Variants in WDR27 observed in about 807,000 individuals in gnomAD.
WDR27 encodes the protein WD repeat-containing protein 27.
In WDR27, 100 loss-of-function variants were observed where a neutral mutation model predicts 114.4. That is an observed-to-expected ratio of 0.87 (90% CI 0.74 to 1.03). The LOEUF (loss-of-function observed/expected upper bound fraction) is 1.03, where lower values mean the gene tolerates loss of function less well. Among genes scored for constraint, WDR27 ranks in the 50% least tolerant of loss-of-function variants. The pLI, the probability that WDR27 is intolerant of heterozygous loss-of-function variation, is 0.00. For missense variants in WDR27, 1,129 were observed against 1,092.9 expected (o/e 1.03, Z -0.47); for synonymous variants, 449 against 423.1 (o/e 1.06, Z -0.75).
At chr6:169,450,149 G>A in the WDR27 span, among the ~76,000 whole-genome samples, 3 of 152,052 alleles carry the variant, frequency 2.0e-5, no homozygotes, top group Non-Finnish European at 4.4e-5. Flanking sequence ...TCATCATTAC[G>A]AAGACTGGGG....
chr6:169,601,328 A>T (rs1343559019), intron 23 of WDR27, among the ~76,000 whole-genome samples: 1 of 152,376 alleles, frequency 6.6e-6, no homozygotes. Flanking sequence ...CATCTGAATC[A>T]GCAGAATCAT....
chr6:169,694,018 G>T (rs550441049), intron 1 of WDR27, among the ~76,000 whole-genome samples: 7 of 152,306 alleles, frequency 4.6e-5, no homozygotes, highest in East Asian at 1.9e-4. Flanking sequence ...CTTGTTAAAT[G>T]TAACAGTCAT....
intron 13 of WDR27, chr6:169,658,015 C>T (rs373577518): frequency 5.9e-6 from 2 of 339,670 alleles, no homozygotes; most frequent in East Asian, 4.8e-5. Flanking sequence ...CAACAGGCAC[C>T]AGAGGAACAG....
intron 25 of WDR27, among the ~76,000 whole-genome samples, chr6:169,477,992 T>C (rs1252044981): frequency 6.6e-6 from 1 of 152,160 alleles, no homozygotes; most frequent in African/African-American, 2.4e-5. Flanking sequence ...TAAACAAATC[T>C]TAAAAGTACT....
intron 21 of WDR27, among the ~76,000 whole-genome samples, chr6:169,621,838 A>G (rs1231554406): frequency 6.6e-6 from 1 of 152,200 alleles, no homozygotes; most frequent in East Asian, 1.9e-4. Context: ...GTATTCACGC[A>G]TATACACACA....
chr6:169,630,590 A>C (rs1439583980), intron 21 of WDR27, among the ~76,000 whole-genome samples: 1 of 152,226 alleles, frequency 6.6e-6, no homozygotes, highest in Non-Finnish European at 1.5e-5. Flanking sequence ...AAGGAATCAT[A>C]ACACCTAAAA....
chr6:169,507,947 C>A (rs1792228369), intron 25 of WDR27, among the ~76,000 whole-genome samples: 1 of 152,194 alleles, frequency 6.6e-6, no homozygotes, highest in Non-Finnish European at 1.5e-5. Context: ...GCTGCATGTA[C>A]TTCTGTACTA....
chr6:169,584,015 CTCCAT>C (rs1010535997), intron 23 of WDR27, among the ~76,000 whole-genome samples: 8 of 152,140 alleles, frequency 5.3e-5, no homozygotes, highest in African/African-American at 1.9e-4. Context: ...ACCTGGACTT[CTCCAT>C]CCTCGCAGCT....
chr6:169,657,920 T>C (rs770895313), intron 13 of WDR27: 10 of 203,970 alleles, frequency 4.9e-5, no homozygotes, highest in Non-Finnish European at 9.4e-5. Flanking sequence ...CGGGATCTGC[T>C]TTCAAATTCC....
intron 25 of WDR27, among the ~76,000 whole-genome samples, chr6:169,465,258 C>CAAAAAAAAAAAAA (rs56688798): frequency 3.1e-4 from 31 of 101,126 alleles, no homozygotes; most frequent in East Asian, 9.4e-4. Context: ...AACTCCATCT[C>CAAAAAAAAAAAAA]AAAAAAAAAA....
chr6:169,651,232 C>T (rs1023848406), intron 14 of WDR27, among the ~76,000 whole-genome samples: 7 of 136,730 alleles, frequency 5.1e-5, no homozygotes, highest in East Asian at 2.3e-4. Flanking sequence ...CACATGAAGA[C>T]GGGAGCTTGG....
intron 25 of WDR27, among the ~76,000 whole-genome samples, chr6:169,529,003 AC>A (rs1192323805): frequency 1.3e-5 from 2 of 152,152 alleles, no homozygotes; most frequent in African/African-American, 2.4e-5. Context: ...GAAAATACTC[AC>A]CCTAGTATGA....
intron 1 of WDR27, among the ~76,000 whole-genome samples, chr6:169,693,897 T>C (rs1785140759): frequency 6.6e-6 from 1 of 152,116 alleles, no homozygotes; most frequent in African/African-American, 2.4e-5. Flanking sequence ...TACTGGGGAA[T>C]TTCAATACTC....
intron 23 of WDR27, among the ~76,000 whole-genome samples, chr6:169,588,401 C>T (rs1805057247): frequency 6.6e-6 from 1 of 152,062 alleles, no homozygotes; most frequent in Non-Finnish European, 1.5e-5. Flanking sequence ...ATAGTTTATG[C>T]ATTCATGACA....
Position 169,614,459 on chromosome 6 carries a change from G to A in WDR27, c.2224-803C>T, listed in dbSNP as rs187828355. On this transcript the variant is annotated intron_variant, in intron 21 of 25. Transcript: ENST00000448612. ...CCAGCACTTTGGGAGGCCAAGGCGG[G>A]CAGATCACCTGAGGTCAGGAAAATG... 3.9e-5 allele frequency among the ~76,000 whole-genome samples: 6 copies of A among 152,280 alleles called. No homozygotes were observed. The East Asian group carries it at 1.2e-3, about 29-fold the overall frequency.
intron 25 of WDR27, among the ~76,000 whole-genome samples, chr6:169,478,185 T>C (rs1038851908): frequency 1.6e-4 from 24 of 152,140 alleles, no homozygotes; most frequent in Admixed American, 1.3e-3. Flanking sequence ...ATCCTGACTG[T>C]GGTGGAGGTC....
chr6:169,560,104 C>T (rs1251053484), intron 25 of WDR27, among the ~76,000 whole-genome samples: 3 of 152,092 alleles, frequency 2.0e-5, no homozygotes, highest in African/African-American at 7.2e-5. Flanking sequence ...ATCGTATCTC[C>T]CAGAATTCCC....
intron 8 of WDR27, 31 bp from the exon 9 acceptor site, chr6:169,662,455 G>A (rs1307032770): frequency 5.6e-6 from 9 of 1,609,428 alleles, no homozygotes; most frequent in Non-Finnish European, 7.6e-6. Context: ...AATCTAAGAA[G>A]TGAACTTAAA....
chr6:169,510,030 A>T (rs1393488853), intron 25 of WDR27, among the ~76,000 whole-genome samples: 1 of 152,228 alleles, frequency 6.6e-6, no homozygotes, highest in Non-Finnish European at 1.5e-5. Flanking sequence ...ACATGAAAAA[A>T]TGCTCATCAT....
Sources: gnomAD v4.1 joint callset for allele counts (sites outside exome capture counted in the v4.1 genomes callset) on GRCh38, gnomAD v4.1.1 for gene constraint, MANE v1.5 for transcripts, NCBI Gene and HGNC (gene_info 2026-07-23, HGNC 2026-07-21) for gene names.